Variants in SEPTIN7 observed in about 807,000 individuals in gnomAD.
The protein encoded by SEPTIN7 is septin-7.
A neutral mutation model predicts 63.3 loss-of-function variants in SEPTIN7; 10 were observed. That is an observed-to-expected ratio of 0.16 (90% CI 0.10 to 0.27). SEPTIN7 has a LOEUF of 0.27. Among genes scored for constraint, SEPTIN7 ranks in the 10% least tolerant of loss-of-function variants. The probability of loss-of-function intolerance (pLI) is 1.00; values close to 1 mark genes in which losing one functional copy is unlikely to be tolerated. For synonymous variants in SEPTIN7, 131 were observed against 165.3 expected, an observed-to-expected ratio of 0.79 and a Z score of 1.59; for missense variants, 310 against 521.0, an observed-to-expected ratio of 0.59 and a Z score of 3.94.
intron 3 of SEPTIN7, among the ~76,000 whole-genome samples, chr7:35,840,771 G>A (rs369378726): frequency 1.9e-4 from 29 of 152,100 alleles, no homozygotes; most frequent in Middle Eastern, 3.4e-3. Context: ...TAGTAGAGGA[G>A]GAAAACAGTA....
chr7:35,913,711 C>T, the SEPTIN7 span, among the ~76,000 whole-genome samples: 7 of 152,250 alleles, frequency 4.6e-5, no homozygotes, highest in African/African-American at 1.7e-4. Flanking sequence ...CAACCTCAGC[C>T]TCCCAGTAGC....
chr7:35,846,467 G>A (rs1784672050), intron 3 of SEPTIN7, among the ~76,000 whole-genome samples: 1 of 152,152 alleles, frequency 6.6e-6, no homozygotes, highest in African/African-American at 2.4e-5. Flanking sequence ...ATGCTCATAT[G>A]TGTCTCATCC....
intron 6 of SEPTIN7, among the ~76,000 whole-genome samples, chr7:35,878,780 G>A (rs1480187524): frequency 3.3e-5 from 5 of 152,134 alleles, no homozygotes; most frequent in Non-Finnish European, 7.4e-5. Flanking sequence ...CGTAGAAGAG[G>A]GAAAATGGGG....
chr7:35,908,641 G>A (rs942365238), downstream of SEPTIN7, among the ~76,000 whole-genome samples: 2 of 152,186 alleles, frequency 1.3e-5, no homozygotes, highest in African/African-American at 4.8e-5. Context: ...GAGGAGGCTA[G>A]CAGAGGGGGG....
At chr7:35,893,351 T>C (rs1018381239) in intron 11 of SEPTIN7, among the ~76,000 whole-genome samples, 7 of 152,198 alleles carry the variant, frequency 4.6e-5, no homozygotes, top group African/African-American at 7.2e-5. Context: ...GCAATGTATG[T>C]TTCACAAAGT....
At chr7:35,871,734 GAGC>G (rs920534695) in intron 4 of SEPTIN7, among the ~76,000 whole-genome samples, 6 of 152,114 alleles carry the variant, frequency 3.9e-5, no homozygotes, top group Non-Finnish European at 8.8e-5. Context: ...AGCATACTTG[GAGC>G]CTCTAGCCTT....
At chr7:35,803,330 G>A (rs1249457666) in intron 1 of SEPTIN7, among the ~76,000 whole-genome samples, 1 of 152,204 alleles carries the variant, frequency 6.6e-6, no homozygotes, top group African/African-American at 2.4e-5. Context: ...TCTGAGGCAA[G>A]TTAGGAATCC....
At chr7:35,864,563 CAAT>C (rs924183468) in intron 4 of SEPTIN7, among the ~76,000 whole-genome samples, 38 of 152,164 alleles carry the variant, frequency 2.5e-4, no homozygotes, top group African/African-American at 4.1e-4. Flanking sequence ...AAAAAAATCT[CAAT>C]AATTTTTTAT....
intron 4 of SEPTIN7, among the ~76,000 whole-genome samples, chr7:35,869,772 G>A (rs1786033716): frequency 6.6e-6 from 1 of 152,144 alleles, no homozygotes; most frequent in South Asian, 2.1e-4. Context: ...GATGCCAAAA[G>A]AGGTCTCAAT....
intron 11 of SEPTIN7, among the ~76,000 whole-genome samples, chr7:35,896,257 A>G (rs966194295): frequency 1.7e-4 from 26 of 152,334 alleles, no homozygotes; most frequent in African/African-American, 4.3e-4. Flanking sequence ...ATAAGTAGGA[A>G]TAGATATTTC....
At chr7:35,903,491 G>C (rs1333991486) in intron 13 of SEPTIN7, among the ~76,000 whole-genome samples, 1 of 151,978 alleles carries the variant, frequency 6.6e-6, no homozygotes, top group Non-Finnish European at 1.5e-5. Context: ...ACCTTCATTG[G>C]ATTTCTTACC....
At chr7:35,880,211 T>TTC (rs1786761079) in intron 7 of SEPTIN7, among the ~76,000 whole-genome samples, 1 of 140,964 alleles carries the variant, frequency 7.1e-6, no homozygotes, top group African/African-American at 2.7e-5. Flanking sequence ...TTCTTTTCTT[T>TTC]TTTTTTCTTT....
At chr7:35,843,588 C>A (rs1784518875) in intron 3 of SEPTIN7, among the ~76,000 whole-genome samples, 1 of 151,840 alleles carries the variant, frequency 6.6e-6, no homozygotes, top group South Asian at 2.1e-4. Context: ...TTTTTCGATG[C>A]CTAAAAATGT....
intron 7 of SEPTIN7, 100 bp downstream of exon 7, chr7:35,880,040 C>CT: frequency 1.5e-6 from 1 of 688,596 alleles, no homozygotes; most frequent in South Asian, 1.6e-5. Flanking sequence ...CCTCTTACTG[C>CT]TTTACTATAT....
chr7:35,844,805 G>A (rs1016551385), intron 3 of SEPTIN7, among the ~76,000 whole-genome samples: 4 of 152,174 alleles, frequency 2.6e-5, no homozygotes, highest in African/African-American at 9.7e-5. Context: ...ATTTCACCAT[G>A]TTGGCCAGGC....
intron 13 of SEPTIN7, among the ~76,000 whole-genome samples, chr7:35,903,974 C>T (rs928508858): frequency 6.6e-6 from 1 of 152,142 alleles, no homozygotes; most frequent in Non-Finnish European, 1.5e-5. Flanking sequence ...TGTGCTGTTT[C>T]ATTTGGGAAG....
chr7:35,885,492 AC>A (rs773777261), intron 9 of SEPTIN7, among the ~76,000 whole-genome samples: 37 of 152,156 alleles, frequency 2.4e-4, no homozygotes, highest in Non-Finnish European at 4.1e-4. Flanking sequence ...CCCTTCACTC[AC>A]ACCACTGAAT....
intron 1 of SEPTIN7, among the ~76,000 whole-genome samples, chr7:35,802,035 C>A (rs367615005): frequency 6.6e-6 from 1 of 151,770 alleles, no homozygotes; most frequent in Non-Finnish European, 1.5e-5. Context: ...AAAGAGAACG[C>A]CTGGGAAGGG....
At chr7:35,862,470 G>C (rs1247560367) in intron 3 of SEPTIN7, among the ~76,000 whole-genome samples, 2 of 151,920 alleles carry the variant, frequency 1.3e-5, no homozygotes, top group East Asian at 3.8e-4. Flanking sequence ...CAAATGCTTG[G>C]GTTTTATTCT....
Sources: gnomAD v4.1 joint callset for allele counts (sites outside exome capture counted in the v4.1 genomes callset) on GRCh38, gnomAD v4.1.1 for gene constraint, MANE v1.5 for transcripts, NCBI Gene and HGNC (gene_info 2026-07-23, HGNC 2026-07-21) for gene names.